MMD2: variants seen among roughly 807,000 people sequenced by gnomAD.
MMD2 encodes monocyte to macrophage differentiation associated 2.
In MMD2, 30 loss-of-function variants were observed where a neutral mutation model predicts 33.5. That is an observed-to-expected ratio of 0.90 (90% CI 0.67 to 1.22). The LOEUF (loss-of-function observed/expected upper bound fraction) is 1.22. Ranked by LOEUF, MMD2 falls within the 50% of genes most tolerant of loss-of-function variation. MMD2 has a pLI of 0.00. For synonymous variants in MMD2, 129 were observed against 123.0 expected, an observed-to-expected ratio of 1.05 and a Z score of -0.32; for missense variants, 364 against 325.4, an observed-to-expected ratio of 1.12 and a Z score of -0.91.
At chr7:4,926,286 A>G (rs531563447) in intron 1 of MMD2, among the ~76,000 whole-genome samples, 22 of 151,824 alleles carry the variant, frequency 1.4e-4, no homozygotes, top group African/African-American at 4.6e-4. Flanking sequence ...TTTTTTATAG[A>G]GACAGGGTTT....
chr7:4,937,904 C>T (rs921354329), intron 1 of MMD2, among the ~76,000 whole-genome samples: 19 of 151,830 alleles, frequency 1.3e-4, no homozygotes, highest in African/African-American at 4.6e-4. Context: ...CTCCTTTGGC[C>T]TCCCAAAGCA....
intron 1 of MMD2, among the ~76,000 whole-genome samples, chr7:4,927,422 G>A (rs1785461716): frequency 1.3e-5 from 2 of 152,116 alleles, no homozygotes; most frequent in African/African-American, 4.8e-5. Flanking sequence ...GCATGTGCCT[G>A]TAATCCCAGA....
intron 1 of MMD2, among the ~76,000 whole-genome samples, chr7:4,935,454 T>C (rs1253889857): frequency 6.6e-6 from 1 of 152,020 alleles, no homozygotes; most frequent in Non-Finnish European, 1.5e-5. Flanking sequence ...AGTTTCTTTA[T>C]TATTATTATT....
At chr7:4,916,371 C>CTTTT (rs553309427) in intron 3 of MMD2, among the ~76,000 whole-genome samples, 5 of 64,780 alleles carry the variant, frequency 7.7e-5, no homozygotes, top group East Asian at 6.0e-4. Flanking sequence ...CTCCGTCCCA[C>CTTTT]TTTTTTTTTT....
intron 2 of MMD2, among the ~76,000 whole-genome samples, 186 bp from the exon 3 acceptor site, chr7:4,920,517 C>T (rs907882522): frequency 1.3e-5 from 2 of 151,756 alleles, no homozygotes; most frequent in Admixed American, 6.6e-5. Context: ...TCCTTTCTTC[C>T]TTCCTTCCCT....
chr7:4,910,068 A>G, intron 5 of MMD2, 118 bp from the exon 6 acceptor site: 1 of 1,606,402 alleles, frequency 6.2e-7, no homozygotes, highest in Non-Finnish European at 8.5e-7. Flanking sequence ...AGAAGAAAGG[A>G]CGCTTTCTCT....
At chr7:4,897,756 T>C in the MMD2 span, among the ~76,000 whole-genome samples, 3 of 80,072 alleles carry the variant, frequency 3.7e-5, no homozygotes, top group African/African-American at 2.4e-4. Context: ...CTTTCTTTTT[T>C]TGAGACAGTC....
rs548025416 is a variant in MMD2 at position 4,936,002 on chromosome 7, T to C, written c.48-10470A>G. The stretch of plus-strand genomic sequence containing the variant: ...GAGTTCGAGACCAGCCTGTCCAACA[T>C]GGTGAAACCCCATCTCTACTAAAAA... On this transcript the variant is annotated intron_variant, in intron 1 of 6. Coordinates refer to ENST00000401401, the MANE Select transcript of MMD2 (RefSeq NM_198403.4). Among the ~76,000 whole-genome samples, 3 of 152,094 alleles carry C rather than the reference T, an allele frequency of 2.0e-5. No homozygotes were observed. The South Asian group carries it at 6.2e-4, about 32-fold the overall frequency.
chr7:4,895,082 C>CT, the MMD2 span, among the ~76,000 whole-genome samples: 36,195 of 146,106 alleles, frequency 0.25, 5,661 homozygotes, highest in East Asian at 0.54. Context: ...CAGCTGAAGT[C>CT]TTTTTTTTTT....
chr7:4,929,227 G>A (rs1785509958), intron 1 of MMD2, among the ~76,000 whole-genome samples: 1 of 152,116 alleles, frequency 6.6e-6, no homozygotes, highest in South Asian at 2.1e-4. Flanking sequence ...CAACACCAGG[G>A]TCACACCGAG....
In MMD2 at chr7:4,933,504, TTTG is replaced by T. The variant is rs542000740; in HGVS notation, c.48-7975_48-7973del. On this transcript the variant is annotated intron_variant, in intron 1 of 6. Coordinates refer to ENST00000401401, the MANE Select transcript of MMD2 (RefSeq NM_198403.4). ...TCCTGCATCCCCTTTGCCATCTGGC[TTTG>T]TTGTTGGGCAGGGAGCATCTGAGAT... is the stretch of plus-strand genomic sequence containing the variant. 7.5e-4 allele frequency among the ~76,000 whole-genome samples: 114 copies of T among 152,274 alleles called. 1 individual carries two copies. The highest frequency in any genetic ancestry group is 2.7e-3 in the African/African-American group (111 of 41,508).
chr7:4,897,021 G>T, the MMD2 span, among the ~76,000 whole-genome samples: 2 of 151,644 alleles, frequency 1.3e-5, no homozygotes, highest in African/African-American at 4.8e-5. Context: ...AACCACAGCC[G>T]GCTAATTTTT....
At chr7:4,933,391 T>C (rs1785646417) in intron 1 of MMD2, among the ~76,000 whole-genome samples, 1 of 152,162 alleles carries the variant, frequency 6.6e-6, no homozygotes, top group Admixed American at 6.5e-5. Context: ...AAGGTAAATT[T>C]GTTTTATACT....
At chr7:4,923,961 G>C (rs1050396305) in intron 2 of MMD2, among the ~76,000 whole-genome samples, 2 of 152,118 alleles carry the variant, frequency 1.3e-5, no homozygotes, top group Non-Finnish European at 2.9e-5. Context: ...GGGAGGCCAA[G>C]GCGGGTGGAT....
chr7:4,924,223 C>T (rs1291998917), intron 2 of MMD2, among the ~76,000 whole-genome samples: 1 of 152,114 alleles, frequency 6.6e-6, no homozygotes, highest in South Asian at 2.1e-4. Context: ...ATAACAACAA[C>T]AACAACAACA....
At chr7:4,929,879 C>T (rs915425050) in intron 1 of MMD2, among the ~76,000 whole-genome samples, 6 of 152,066 alleles carry the variant, frequency 3.9e-5, no homozygotes. Context: ...ATGGGTTGAA[C>T]CGTGTCCTCC....
At chr7:4,920,116 G>T in intron 3 of MMD2, 55 bp downstream of exon 3, 1 of 1,529,828 alleles carries the variant, frequency 6.5e-7, no homozygotes, top group Non-Finnish European at 8.8e-7. Context: ...GGCTGCCATG[G>T]GTCCCCCTGC....
chr7:4,957,151 G>A (rs997734993), intron 1 of MMD2, among the ~76,000 whole-genome samples: 3 of 138,088 alleles, frequency 2.2e-5, no homozygotes, highest in African/African-American at 8.1e-5. Flanking sequence ...CGGCAACAGA[G>A]TGAGACTGTC....
chr7:4,912,736 C>T (rs919101815), intron 4 of MMD2, among the ~76,000 whole-genome samples: 9 of 151,984 alleles, frequency 5.9e-5, no homozygotes, highest in Admixed American at 5.3e-4. Flanking sequence ...TATGGATTCT[C>T]GCTCTGTCAC....
Sources: gnomAD v4.1 joint callset for allele counts (sites outside exome capture counted in the v4.1 genomes callset) on GRCh38, gnomAD v4.1.1 for gene constraint, MANE v1.5 for transcripts, NCBI Gene and HGNC (gene_info 2026-07-23, HGNC 2026-07-21) for gene names.